BASP1: variants seen among roughly 807,000 people sequenced by gnomAD.
BASP1 encodes brain acid soluble protein 1.
Under a neutral mutation model 2.2 loss-of-function variants are expected in BASP1, and 1 was observed. That is an observed-to-expected ratio of 0.46 (90% confidence interval 0.16 to 2.17). The LOEUF (loss-of-function observed/expected upper bound fraction) is 2.17, where lower values mean the gene tolerates loss of function less well. BASP1 is among the 30% of genes most tolerant of loss of function. The probability of loss-of-function intolerance (pLI) is 0.27; values close to 1 mark genes in which losing one functional copy is unlikely to be tolerated. For synonymous variants in BASP1, 187 were observed against 154.2 expected, an observed-to-expected ratio of 1.21 and a Z score of -1.58; for missense variants, 352 against 327.2, an observed-to-expected ratio of 1.08 and a Z score of -0.58.
chr5:17,227,390 T>TTATA lies in BASP1; in HGVS notation c.-10+9595_-10+9598dup, dbSNP rs10557138. On this transcript the variant is annotated intron_variant, in intron 1 of 1. Transcript: ENST00000322611. ...GTACGCCACCAAGCTTGACTAATTT[T>TTATA]TATATATATATATATATACAATATT... 2.3e-4 allele frequency among the ~76,000 whole-genome samples: 33 copies of TTATA among 142,210 alleles called. No individual in the cohort carries two copies. The East Asian group carries it at 5.9e-3, about 25-fold the overall frequency. The allele number at this position is 142,210 out of a possible 152,430, so 93.3% of individuals were successfully genotyped here.
At chr5:17,248,533 C>A (rs760238976) in intron 1 of BASP1, among the ~76,000 whole-genome samples, 1 of 152,100 alleles carries the variant, frequency 6.6e-6, no homozygotes, top group Non-Finnish European at 1.5e-5. Context: ...ACATGACTCT[C>A]GGGTATGCTG....
At chr5:17,253,512 T>G (rs867905057) in intron 1 of BASP1, among the ~76,000 whole-genome samples, 2 of 152,314 alleles carry the variant, frequency 1.3e-5, no homozygotes, top group Middle Eastern at 3.4e-3. Context: ...CATGTCTGGC[T>G]TATAATGATC....
intron 1 of BASP1, among the ~76,000 whole-genome samples, chr5:17,259,146 A>C (rs2126512944): frequency 6.6e-6 from 1 of 152,306 alleles, no homozygotes; most frequent in African/African-American, 2.4e-5. Context: ...TCATGGGGGA[A>C]GGTGAAAGGC....
rs1420299571 is a variant in BASP1 at position 17,251,646 on chromosome 5, TGAACATATTTTAGTG to T, written c.-9-23551_-9-23537del. On this transcript the variant is annotated intron_variant, in intron 1 of 1. Transcript: ENST00000322611. The surrounding 1 kb of genome is among the most constrained non-coding windows in gnomAD (Gnocchi z 4.0). Reference sequence around the variant, plus strand: ...TTTCTAGCACCTAGCAGTGGAGTTATGAACATATTTTAGTGGAACATATTTAGTGGAACATAAGCA... The same window carrying T: ...TTTCTAGCACCTAGCAGTGGAGTTATGAACATATTTAGTGGAACATAAGCA... Among the ~76,000 whole-genome samples the T allele has an allele frequency of 6.6e-6, 1 of 152,214 alleles. No homozygotes were observed. The highest frequency in any genetic ancestry group is 2.4e-5 in the African/African-American group (1 of 41,462).
Position 17,276,781 on chromosome 5 carries a change from A to C in BASP1, c.*881A>C, listed in dbSNP as rs1299044904. 6.0e-6 allele frequency: 1 copy of C among 165,852 alleles called. No individual in the cohort carries two copies. The highest frequency in any genetic ancestry group is 2.4e-5 in the African/African-American group (1 of 41,258). 10.3% of individuals were successfully genotyped at this position (165,852 alleles called of 1,614,324 possible). A position where few individuals can be genotyped will look rare whatever the true frequency, so the allele number is the denominator to read the frequency against. ...AATGTACAATGGATGCATTGAAATT[A>C]TATGTAATTGTATAAATGGTGCAAC... On this transcript the variant is annotated 3_prime_UTR_variant, in exon 2 of 2. Coordinates refer to ENST00000322611, the MANE Select transcript of BASP1 (RefSeq NM_006317.5).
At chr5:17,253,556 G>A (rs192012133) in intron 1 of BASP1, among the ~76,000 whole-genome samples, 7 of 152,314 alleles carry the variant, frequency 4.6e-5, no homozygotes, top group African/African-American at 1.7e-4. Context: ...TAGGAGAACA[G>A]ATGCACAGTA....
intron 1 of BASP1, among the ~76,000 whole-genome samples, chr5:17,218,703 CG>C (rs1414581961): frequency 6.6e-6 from 1 of 152,144 alleles, no homozygotes; most frequent in Non-Finnish European, 1.5e-5. Context: ...TTGCCCAAAG[CG>C]CTAAAGCTGA....
intron 1 of BASP1, among the ~76,000 whole-genome samples, chr5:17,218,938 C>A (rs1739329517): frequency 6.6e-6 from 1 of 152,116 alleles, no homozygotes; most frequent in Non-Finnish European, 1.5e-5. Flanking sequence ...CCATGTAATT[C>A]TCACTCTGCT....
Position 17,275,489 on chromosome 5 carries a change from G to A in BASP1, c.273G>A (p.Glu91=), listed in dbSNP as rs1213786400. The part of the protein sequence containing the change: ...EAPKAEPEKT[E]GAAEAKAEPP... ...CGAAGGCGGAGCCCGAGAAGACGGAGGGCGCGGCAGAGGCCAAGGCTGAGC... is the reference window on the plus strand; with the variant it reads ...CGAAGGCGGAGCCCGAGAAGACGGAAGGCGCGGCAGAGGCCAAGGCTGAGC... Residue 91 remains glutamate (E), a synonymous_variant, in exon 2 of 2, where the codon GAG becomes GAA. Coordinates refer to ENST00000322611, the MANE Select transcript of BASP1 (RefSeq NM_006317.5). This position sits in a 1 kb window ranked among gnomAD's most constrained non-coding sequence, Gnocchi z 5.3. The A allele has an allele frequency of 1.4e-6, 2 of 1,480,436 alleles. No individual in the cohort carries two copies. Among genetic ancestry groups the A allele is most frequent in the East Asian group, 2.5e-5 (1 of 40,424 alleles). The allele number at this position is 1,480,436 out of a possible 1,614,324, so 91.7% of individuals were successfully genotyped here.
chr5:17,237,605 G>A (rs576857468), intron 1 of BASP1, among the ~76,000 whole-genome samples: 1 of 147,334 alleles, frequency 6.8e-6, no homozygotes, highest in East Asian at 2.0e-4. Context: ...TGCTAGGTGA[G>A]TGTCCCCTGA....
chr5:17,270,301 C>T (rs1740507009), intron 1 of BASP1, among the ~76,000 whole-genome samples: 2 of 152,214 alleles, frequency 1.3e-5, no homozygotes, highest in South Asian at 2.1e-4. Context: ...CACACAGCCC[C>T]CTCTTCTCTT....
chr5:17,249,265 C>A (rs1200297707), intron 1 of BASP1, among the ~76,000 whole-genome samples: 2 of 152,118 alleles, frequency 1.3e-5, no homozygotes, highest in Admixed American at 6.5e-5. Flanking sequence ...CTTCCTGCAG[C>A]CTTCTTGCTT....
At chr5:17,242,618 A>G (rs926428887) in intron 1 of BASP1, among the ~76,000 whole-genome samples, 2 of 152,174 alleles carry the variant, frequency 1.3e-5, no homozygotes, top group Non-Finnish European at 2.9e-5. Flanking sequence ...TCTCTTTATA[A>G]ATGCTCAAGT....
chr5:17,228,041 G>A (rs1326198791), intron 1 of BASP1, among the ~76,000 whole-genome samples: 2 of 152,188 alleles, frequency 1.3e-5, no homozygotes, highest in African/African-American at 4.8e-5. Flanking sequence ...CCAGGTATGT[G>A]TTTCTTTTTC....
chr5:17,256,472 A>AATTT (rs1280585485), intron 1 of BASP1, among the ~76,000 whole-genome samples: 1 of 152,192 alleles, frequency 6.6e-6, no homozygotes, highest in Non-Finnish European at 1.5e-5. Context: ...TAAATAAGTG[A>AATTT]ATTTGAGTGC....
At chr5:17,234,602 T>G (rs1399841462) in intron 1 of BASP1, among the ~76,000 whole-genome samples, 1 of 152,186 alleles carries the variant, frequency 6.6e-6, no homozygotes, top group Admixed American at 6.5e-5. Context: ...GAATGTGACG[T>G]GGGAACATAC....
At chr5:17,244,197 T>C (rs1024875398) in intron 1 of BASP1, among the ~76,000 whole-genome samples, 9 of 152,198 alleles carry the variant, frequency 5.9e-5, no homozygotes, top group Admixed American at 2.0e-4. Flanking sequence ...TTTAACACCA[T>C]GTGTGCTTTT....
At chr5:17,246,554 A>C (rs1739996382) in intron 1 of BASP1, among the ~76,000 whole-genome samples, 1 of 152,098 alleles carries the variant, frequency 6.6e-6, no homozygotes, top group Non-Finnish European at 1.5e-5. Context: ...GCCGCCCCGA[A>C]AACTGGCTGA....
chr5:17,239,701 T>C (rs563973601), intron 1 of BASP1, among the ~76,000 whole-genome samples: 19 of 152,318 alleles, frequency 1.2e-4, no homozygotes, highest in African/African-American at 4.3e-4. Flanking sequence ...AATTTGGATA[T>C]ATGTGTTGTA....
Sources: allele counts gnomAD v4.1 joint callset (sites outside exome capture counted in the v4.1 genomes callset), GRCh38; gene constraint gnomAD v4.1.1; non-coding constraint Gnocchi (gnomAD v3.1); transcripts MANE v1.5; gene names NCBI Gene and HGNC (gene_info 2026-07-23, HGNC 2026-07-21).